NPAS3: variants seen among roughly 807,000 people sequenced by gnomAD.
NPAS3 encodes the protein neuronal PAS domain-containing protein 3.
NPAS3 carries 14 observed loss-of-function variants against 73.1 expected under a neutral mutation model. That is an observed-to-expected ratio of 0.19 (90% CI 0.13 to 0.30). The LOEUF is 0.30. Ranked by LOEUF, NPAS3 falls within the 10% of genes least tolerant of loss-of-function variation. NPAS3 has a pLI of 1.00. For synonymous variants in NPAS3, 620 were observed against 541.5 expected, an observed-to-expected ratio of 1.14 and a Z score of -2.01; for missense variants, 1,096 against 1,250.0, an observed-to-expected ratio of 0.88 and a Z score of 1.86.
intron 4 of NPAS3, among the ~76,000 whole-genome samples, chr14:33,539,122 T>C (rs775616939): frequency 6.6e-6 from 1 of 151,896 alleles, no homozygotes; most frequent in Non-Finnish European, 1.5e-5. Context: ...AAGAAGATTG[T>C]GTAGGGGAAG....
At chr14:33,234,561 A>G (rs1441321028) in intron 3 of NPAS3, among the ~76,000 whole-genome samples, 1 of 152,132 alleles carries the variant, frequency 6.6e-6, no homozygotes, top group Non-Finnish European at 1.5e-5. Context: ...TGGCCAGTTC[A>G]GTTATATGAA....
At chr14:33,536,978 A>G (rs1373527637) in intron 4 of NPAS3, among the ~76,000 whole-genome samples, 1 of 152,162 alleles carries the variant, frequency 6.6e-6, no homozygotes, top group Non-Finnish European at 1.5e-5. Context: ...TGTTTTCCTG[A>G]CAGTCTATTC....
intron 2 of NPAS3, among the ~76,000 whole-genome samples, chr14:33,209,446 A>C (rs1294734854): frequency 6.6e-6 from 1 of 152,206 alleles, no homozygotes; most frequent in Non-Finnish European, 1.5e-5. Flanking sequence ...AAGGCTCCTC[A>C]TTCGGCTCAT....
chr14:33,238,332 G>A (rs987793226), intron 3 of NPAS3, among the ~76,000 whole-genome samples: 5 of 151,878 alleles, frequency 3.3e-5, no homozygotes, highest in African/African-American at 9.7e-5. Context: ...TTTAAAATGC[G>A]GTCATTTTTA....
chr14:33,662,087 C>T (rs1294348477), intron 5 of NPAS3, among the ~76,000 whole-genome samples: 1 of 152,204 alleles, frequency 6.6e-6, no homozygotes, highest in Non-Finnish European at 1.5e-5. Context: ...TCAGTGCTCT[C>T]TTATGGAAGC....
At chr14:33,694,152 C>T (rs1455425316) in intron 6 of NPAS3, among the ~76,000 whole-genome samples, 1 of 152,072 alleles carries the variant, frequency 6.6e-6, no homozygotes, top group Non-Finnish European at 1.5e-5. Context: ...CAAGCTTGAA[C>T]ATTTAGAGTA....
At position 32,997,650 on chromosome 14, in the gene NPAS3, C is replaced by T. The variant is rs539542485; in HGVS notation, c.51-58255C>T. 1.3e-4 allele frequency among the ~76,000 whole-genome samples: 20 copies of T among 151,748 alleles called. No homozygotes were observed. In the South Asian group the frequency reaches 1.5e-3, roughly 11 times the overall value. On this transcript the variant is annotated intron_variant, in intron 1 of 11. Coordinates refer to ENST00000356141, the Ensembl canonical transcript of NPAS3. ...ATGTAAGATGTGACTGGCGGCTGGG[C>T]GCAGTGGCTCACGCCTGTAATCCCA...
At chr14:33,190,904 C>T (rs931212827) in intron 2 of NPAS3, among the ~76,000 whole-genome samples, 1 of 152,178 alleles carries the variant, frequency 6.6e-6, no homozygotes, top group African/African-American at 2.4e-5. Flanking sequence ...ACTTCCCACT[C>T]CTCTCTTGCT....
At chr14:33,575,429 C>A (rs1397860704) in intron 5 of NPAS3, among the ~76,000 whole-genome samples, 1 of 152,156 alleles carries the variant, frequency 6.6e-6, no homozygotes, top group African/African-American at 2.4e-5. Flanking sequence ...TATAAGCAGC[C>A]CATATGAAGT....
At chr14:33,784,013 A>G (rs1318185642) in intron 9 of NPAS3, among the ~76,000 whole-genome samples, 1 of 152,218 alleles carries the variant, frequency 6.6e-6, no homozygotes, top group African/African-American at 2.4e-5. Context: ...CTCTCAGGGT[A>G]CTCGATCAGT....
At chr14:33,635,062 A>C (rs2058477582) in intron 5 of NPAS3, among the ~76,000 whole-genome samples, 1 of 152,238 alleles carries the variant, frequency 6.6e-6, no homozygotes, top group Admixed American at 6.5e-5. Context: ...ACAGTTACAC[A>C]GCTGGTGGAG....
intron 1 of NPAS3, among the ~76,000 whole-genome samples, chr14:32,992,400 G>T (rs1428042914): frequency 2.0e-5 from 3 of 152,130 alleles, no homozygotes; most frequent in African/African-American, 7.2e-5. Flanking sequence ...AATTTCATAG[G>T]TATTTAATTT....
At chr14:33,730,432 A>T (rs8018833) in intron 6 of NPAS3, among the ~76,000 whole-genome samples, 1 of 152,100 alleles carries the variant, frequency 6.6e-6, no homozygotes, top group African/African-American at 2.4e-5. Flanking sequence ...CCCAAATTAC[A>T]GCAAAGATTT....
At chr14:33,714,302 A>G (rs1169520508) in intron 6 of NPAS3, among the ~76,000 whole-genome samples, 1 of 132,092 alleles carries the variant, frequency 7.6e-6, no homozygotes, top group Non-Finnish European at 1.6e-5. Context: ...TATTAGGGAG[A>G]CATTTTTTTT....
At chr14:33,510,493 A>G (rs1252290382) in intron 4 of NPAS3, among the ~76,000 whole-genome samples, 2 of 152,024 alleles carry the variant, frequency 1.3e-5, no homozygotes, top group Non-Finnish European at 2.9e-5. Flanking sequence ...GGTAGCCACA[A>G]TAACTTTGAA....
At chr14:33,227,577 C>T (rs751991565) in intron 3 of NPAS3, among the ~76,000 whole-genome samples, 21 of 152,102 alleles carry the variant, frequency 1.4e-4, no homozygotes, top group Non-Finnish European at 2.6e-4. Flanking sequence ...TAGCCATTTT[C>T]TTGTCATATC....
chr14:33,403,866 C>T (rs1403836846), intron 4 of NPAS3, among the ~76,000 whole-genome samples: 2 of 152,058 alleles, frequency 1.3e-5, no homozygotes, highest in East Asian at 1.9e-4. Context: ...TTTACAAAAG[C>T]AGTTTGATTT....
intron 3 of NPAS3, among the ~76,000 whole-genome samples, chr14:33,324,348 T>G (rs1353466589): frequency 6.6e-6 from 1 of 152,198 alleles, no homozygotes; most frequent in Non-Finnish European, 1.5e-5. Flanking sequence ...TTCTTGCCAA[T>G]TTCCCATTAA....
At chr14:33,121,619 T>C (rs1016853204) in intron 2 of NPAS3, among the ~76,000 whole-genome samples, 5 of 152,090 alleles carry the variant, frequency 3.3e-5, no homozygotes, top group Non-Finnish European at 7.4e-5. Context: ...GACTTCAGAG[T>C]AAATCAGTCT....
Sources: gnomAD v4.1 joint callset for allele counts (sites outside exome capture counted in the v4.1 genomes callset) on GRCh38, gnomAD v4.1.1 for gene constraint, MANE v1.5 for transcripts, NCBI Gene and HGNC (gene_info 2026-07-23, HGNC 2026-07-21) for gene names.